Variants in MTUS2 observed in about 807,000 individuals in gnomAD.
The protein encoded by MTUS2 is microtubule associated scaffold protein 2, also known as microtubule-associated tumor suppressor candidate 2.
A neutral mutation model predicts 114.1 loss-of-function variants in MTUS2; 40 were observed. The observed-to-expected ratio is 0.35, with a 90% CI of 0.27 to 0.46. MTUS2 has a LOEUF of 0.46. Among genes scored for constraint, MTUS2 ranks in the 20% least tolerant of loss-of-function variants. The pLI, the probability that MTUS2 is intolerant of heterozygous loss-of-function variation, is 1.00. For synonymous variants in MTUS2, 688 were observed against 672.0 expected (o/e 1.02, Z -0.37); for missense variants, 1,679 against 1,705.4 (o/e 0.98, Z 0.27).
chr13:28,833,486 A>C, intron 1 of MTUS2, among the ~76,000 whole-genome samples: 1 of 152,150 alleles, frequency 6.6e-6, no homozygotes, highest in East Asian at 1.9e-4. Context: ...GAAACAAACA[A>C]ACAAAAAAAC....
intron 2 of MTUS2, among the ~76,000 whole-genome samples, chr13:28,948,534 T>G (rs1362013493): frequency 6.6e-6 from 1 of 152,214 alleles, no homozygotes; most frequent in Non-Finnish European, 1.5e-5. Flanking sequence ...GTGAGGTTCC[T>G]CTATTACTTA....
At chr13:29,350,225 C>T (rs770288633) in intron 7 of MTUS2, among the ~76,000 whole-genome samples, 1 of 151,848 alleles carries the variant, frequency 6.6e-6, no homozygotes, top group African/African-American at 2.4e-5. Context: ...CAAATTATCA[C>T]AAGGCTAATA....
At chr13:29,046,165 G>A (rs1887608163) in intron 4 of MTUS2, among the ~76,000 whole-genome samples, 1 of 151,336 alleles carries the variant, frequency 6.6e-6, no homozygotes, top group Admixed American at 6.6e-5. Context: ...CCAGGCTGGA[G>A]TGCAGTGCGT....
At chr13:29,332,296 A>T (rs1303261731) in intron 7 of MTUS2, among the ~76,000 whole-genome samples, 2 of 151,232 alleles carry the variant, frequency 1.3e-5, no homozygotes, top group African/African-American at 4.9e-5. Context: ...GGGAGGGTGT[A>T]TGTGCCCAGG....
At chr13:29,263,540 T>C (rs1897554786) in intron 5 of MTUS2, among the ~76,000 whole-genome samples, 1 of 152,196 alleles carries the variant, frequency 6.6e-6, no homozygotes, top group Non-Finnish European at 1.5e-5. Flanking sequence ...TGACTCACAG[T>C]TCTGCAGGCT....
In MTUS2 at chr13:29,447,300, C is replaced by CA. The variant is rs545003988; in HGVS notation, c.3184+7257dup. 3.7e-3 allele frequency among the ~76,000 whole-genome samples: 556 copies of CA among 152,018 alleles called. 5 individuals are homozygous for CA. The highest frequency in any genetic ancestry group is 0.013 in the African/African-American group (523 of 41,430). On this transcript the variant is annotated intron_variant, in intron 9 of 15. Coordinates refer to ENST00000612955, the MANE Select transcript of MTUS2 (RefSeq NM_001033602.4). ...CGTCATGAACCGGGAGACCTCAAAC[C>CA]AAAAAATGCCACTACGGCTCAGTTT...
intron 6 of MTUS2, among the ~76,000 whole-genome samples, chr13:29,296,728 G>A (rs569889318): frequency 6.6e-6 from 1 of 152,040 alleles, no homozygotes; most frequent in East Asian, 1.9e-4. Context: ...TATACCTGGT[G>A]GCCATTTGTA....
rs368433373 is a variant in MTUS2, at chr13:29,010,616, C to T, written c.-242-13841C>T. On this transcript the variant is annotated intron_variant, in intron 2 of 15. Coordinates refer to ENST00000612955, the MANE Select transcript of MTUS2 (RefSeq NM_001033602.4). ...ACCACACTCTCAGCCTGTCCGTCTG[C>T]TTGGGAAGTTCTGTCCCCCTGCTGT... is the stretch of plus-strand genomic sequence containing the variant. Among the ~76,000 whole-genome samples, 29 of 152,118 alleles carry T rather than the reference C, an allele frequency of 1.9e-4. No homozygotes were observed. In the East Asian group the frequency reaches 3.7e-3, roughly 19 times the overall value.
At chr13:29,421,024 CAG>C (rs1238771114) in intron 8 of MTUS2, among the ~76,000 whole-genome samples, 1 of 152,200 alleles carries the variant, frequency 6.6e-6, no homozygotes, top group Non-Finnish European at 1.5e-5. Flanking sequence ...GAACATATCT[CAG>C]AGCAAAAACA....
chr13:29,345,047 C>G (rs959029905), intron 7 of MTUS2, among the ~76,000 whole-genome samples: 1 of 152,110 alleles, frequency 6.6e-6, no homozygotes, highest in African/African-American at 2.4e-5. Flanking sequence ...GATAGATGTT[C>G]CTTTATAAAT....
intron 8 of MTUS2, among the ~76,000 whole-genome samples, chr13:29,426,798 T>C (rs1298879965): frequency 6.6e-6 from 1 of 152,242 alleles, no homozygotes; most frequent in African/African-American, 2.4e-5. Context: ...TGACTAATGT[T>C]CCACTGCATG....
chr13:29,113,827 C>T (rs895932635), intron 5 of MTUS2, among the ~76,000 whole-genome samples: 1 of 151,932 alleles, frequency 6.6e-6, no homozygotes, highest in African/African-American at 2.4e-5. Context: ...GATGTGTGTC[C>T]CTACCTAAAT....
chr13:28,881,026 C>G (rs868451636), intron 2 of MTUS2, among the ~76,000 whole-genome samples: 3 of 152,090 alleles, frequency 2.0e-5, no homozygotes, highest in Non-Finnish European at 4.4e-5. Flanking sequence ...GGGTTTGTTA[C>G]GTGGATATAC....
chr13:28,932,438 G>A (rs1203886987), intron 2 of MTUS2, among the ~76,000 whole-genome samples: 1 of 152,136 alleles, frequency 6.6e-6, no homozygotes, highest in Non-Finnish European at 1.5e-5. Context: ...TATCTGTGGG[G>A]GTCCTGGAAC....
chr13:29,314,269 T>G (rs917074660), intron 6 of MTUS2, among the ~76,000 whole-genome samples: 3 of 152,196 alleles, frequency 2.0e-5, no homozygotes, highest in African/African-American at 7.2e-5. Context: ...TAACCTTACA[T>G]GTCATAATTG....
intron 4 of MTUS2, among the ~76,000 whole-genome samples, chr13:29,086,739 T>C (rs147564885): frequency 1.2e-3 from 190 of 152,354 alleles, no homozygotes; most frequent in African/African-American, 4.4e-3. Flanking sequence ...CAATGTTGAT[T>C]GTTTCTATCC....
At chr13:28,971,270 G>A (rs575045402) in intron 2 of MTUS2, among the ~76,000 whole-genome samples, 1 of 152,228 alleles carries the variant, frequency 6.6e-6, no homozygotes, top group African/African-American at 2.4e-5. Context: ...CCTTGATATT[G>A]GTGACTTAAA....
intron 7 of MTUS2, among the ~76,000 whole-genome samples, chr13:29,329,592 A>G (rs1309154506): frequency 6.6e-6 from 1 of 150,960 alleles, no homozygotes; most frequent in Non-Finnish European, 1.5e-5. Context: ...TAGTGCTGCA[A>G]TAAACATACA....
At chr13:29,371,148 G>A (rs1049830400) in intron 8 of MTUS2, among the ~76,000 whole-genome samples, 1 of 151,962 alleles carries the variant, frequency 6.6e-6, no homozygotes, top group Admixed American at 6.5e-5. Context: ...AACACCTGAT[G>A]TATTCTGAGC....
Sources: allele counts gnomAD v4.1 joint callset (sites outside exome capture counted in the v4.1 genomes callset), GRCh38; gene constraint gnomAD v4.1.1; transcripts MANE v1.5; gene names NCBI Gene and HGNC (gene_info 2026-07-23, HGNC 2026-07-21).